Variants in XPA observed in about 807,000 individuals in gnomAD.
The protein encoded by XPA is DNA repair protein complementing XP-A cells.
XPA carries 27 observed loss-of-function variants against 35.7 expected under a neutral mutation model. The ratio of observed to expected loss-of-function variants is 0.76; its 90% confidence interval spans 0.56 to 1.04. XPA has a LOEUF of 1.04. XPA is among the 50% of genes least tolerant of loss of function. The pLI is 0.00. For missense variants in XPA, 354 were observed against 342.7 expected, an observed-to-expected ratio of 1.03 and a Z score of -0.26; for synonymous variants, 133 against 118.4, an observed-to-expected ratio of 1.12 and a Z score of -0.80.
At chr9:97,668,408 AATT>A in the XPA span, among the ~76,000 whole-genome samples, 2 of 152,248 alleles carry the variant, frequency 1.3e-5, no homozygotes, top group African/African-American at 2.4e-5. Context: ...GCCCACTTTG[AATT>A]ATTATATGTC....
intron 2 of XPA, among the ~76,000 whole-genome samples, chr9:97,691,202 A>G (rs1828877568): frequency 6.6e-6 from 1 of 152,244 alleles, no homozygotes; most frequent in Non-Finnish European, 1.5e-5. Context: ...TCTATCCCCT[A>G]CCAACAAAGC....
the XPA span, among the ~76,000 whole-genome samples, chr9:97,664,144 A>G: frequency 6.6e-6 from 1 of 151,810 alleles, no homozygotes; most frequent in African/African-American, 2.4e-5. Flanking sequence ...GTGCCACTCC[A>G]CTCCCGCCTA....
At chr9:97,691,942 G>C (rs1008286268) in intron 2 of XPA, among the ~76,000 whole-genome samples, 1 of 147,810 alleles carries the variant, frequency 6.8e-6, no homozygotes, top group Non-Finnish European at 1.5e-5. Flanking sequence ...TTACTAAGAA[G>C]TCTTTAGGCT....
chr9:97,690,534 C>T lies in XPA; in HGVS notation c.284-895G>A, dbSNP rs540506256. 4.6e-5 allele frequency among the ~76,000 whole-genome samples: 7 copies of T among 152,124 alleles called. No homozygotes were observed. In the East Asian group the frequency reaches 9.8e-4, roughly 21 times the overall value. On this transcript the variant is annotated intron_variant, in intron 2 of 5. Transcript: ENST00000375128. The stretch of plus-strand genomic sequence containing the variant: ...TCCCAAGTAGCTGGGATTACAGGCA[C>T]GCACCACCATGCCCAGTTAATTCTT...
At chr9:97,684,900 C>A (rs535615101) in intron 5 of XPA, 23 bp downstream of exon 5, 2 of 1,574,878 alleles carry the variant, frequency 1.3e-6, no homozygotes, top group African/African-American at 2.7e-5. Flanking sequence ...CAATCCTTCA[C>A]GATATAAAAT....
chr9:97,672,821 C>G (rs1265425910), downstream of XPA: 1 of 156,420 alleles, frequency 6.4e-6, no homozygotes, highest in East Asian at 1.8e-4. Context: ...TTTCTTTTCT[C>G]TAGCTTCATA....
At chr9:97,674,822 C>T, downstream of XPA, 1 of 391,608 alleles carries the variant, frequency 2.6e-6, no homozygotes, top group South Asian at 2.1e-5. Context: ...GAAAACAGCT[C>T]TTTTCCATTT....
the XPA span, chr9:97,660,923 C>T: frequency 7.3e-5 from 116 of 1,598,426 alleles, no homozygotes; most frequent in Non-Finnish European, 9.3e-5. Flanking sequence ...TGTCATTCCC[C>T]TTACCCCCAA....
At chr9:97,663,610 G>A in the XPA span, among the ~76,000 whole-genome samples, 4 of 151,608 alleles carry the variant, frequency 2.6e-5, no homozygotes, top group Non-Finnish European at 4.4e-5. Flanking sequence ...TCAGCCTCCC[G>A]AGTAGCTGGG....
At chr9:97,680,262 G>A (rs1043607613) in intron 5 of XPA, among the ~76,000 whole-genome samples, 3 of 152,136 alleles carry the variant, frequency 2.0e-5, no homozygotes, top group Non-Finnish European at 4.4e-5. Flanking sequence ...AGGCTGGAGT[G>A]CAATGGGGGG....
chr9:97,657,037 C>T, the XPA span, among the ~76,000 whole-genome samples: 21 of 152,278 alleles, frequency 1.4e-4, no homozygotes, highest in African/African-American at 4.3e-4. Context: ...GGCACGATCT[C>T]GGCTCACTGC....
At chr9:97,684,859 A>T in intron 5 of XPA, 64 bp downstream of exon 5, 1 of 1,326,438 alleles carries the variant, frequency 7.5e-7, no homozygotes, top group Non-Finnish European at 1.1e-6. Context: ...GGAAGAATCT[A>T]GCTAAAGGCT....
chr9:97,697,064 G>T, intron 1 of XPA, 57 bp downstream of exon 1: 2 of 1,495,864 alleles, frequency 1.3e-6, no homozygotes, highest in South Asian at 1.3e-5. Context: ...GCACGAGCCA[G>T]TCTGGGGACC....
chr9:97,697,233 C>A lies in XPA; in HGVS notation c.60G>T (p.Leu20=). 1 of 1,601,040 alleles carries A rather than the reference C, an allele frequency of 6.2e-7. No individual in the cohort carries two copies. The highest frequency in any genetic ancestry group is 8.5e-7 in the Non-Finnish European group (1 of 1,179,096). The change falls in exon 1 of 6, where the codon CTG becomes CTT. Residue 20 remains leucine, a synonymous_variant. Transcript: ENST00000375128. ...EAAALEQPAE[L]PASVRASIER... ...CGATACTCGCCCGCACCGAGGCAGG[C>A]AGCTCCGCGGGTTGCTCTAAAGCCG... is the stretch of plus-strand genomic sequence containing the variant.
Position 97,697,335 on chromosome 9 carries a change from C to T in XPA, c.-43G>A, listed in dbSNP as rs886063217. 5.0e-6 allele frequency: 8 copies of T among 1,594,912 alleles called. No individual in the cohort carries two copies. The East Asian group carries it at 1.1e-4, about 22-fold the overall frequency. ...GACCTAGCTCCCAGCTCCACGCACG[C>T]GCACTGCACGCCGAGGCGAGCCAGC... On this transcript the variant is annotated 5_prime_UTR_variant, in exon 1 of 6. Coordinates refer to ENST00000375128, the MANE Select transcript of XPA (RefSeq NM_000380.4).
chr9:97,663,969 A>G, the XPA span, among the ~76,000 whole-genome samples: 1 of 151,758 alleles, frequency 6.6e-6, no homozygotes, highest in African/African-American at 2.4e-5. Context: ...ACTTGAAGCC[A>G]GGAGTTCGAG....
At chr9:97,695,755 A>G (rs1392440975) in intron 1 of XPA, among the ~76,000 whole-genome samples, 1 of 152,256 alleles carries the variant, frequency 6.6e-6, no homozygotes, top group East Asian at 1.9e-4. Flanking sequence ...ACCATGAAAT[A>G]AAAGTGTCAC....
chr9:97,684,816 A>T, intron 5 of XPA, 107 bp downstream of exon 5: 1 of 1,046,726 alleles, frequency 9.6e-7, no homozygotes, highest in East Asian at 2.4e-5. Context: ...AACCTCTAAA[A>T]AACACATTCC....
chr9:97,675,183 C>G lies in XPA; in HGVS notation c.*256G>C, dbSNP rs886063215. 8.6e-5 allele frequency: 52 copies of G among 607,914 alleles called. No homozygotes were observed. The East Asian group carries it at 9.7e-4, about 11-fold the overall frequency. The allele number at this position is 607,914 out of a possible 1,614,324, so 37.7% of individuals were successfully genotyped here. On this transcript the variant is annotated 3_prime_UTR_variant, in exon 6 of 6. Coordinates refer to ENST00000375128, the MANE Select transcript of XPA (RefSeq NM_000380.4). ...CTGACCTACCACTTCTGCACCTACT[C>G]TAGCACTCAGCTCCCATCTCTGTTG... is the stretch of plus-strand genomic sequence containing the variant.
Sources: gnomAD v4.1 joint callset for allele counts (sites outside exome capture counted in the v4.1 genomes callset) on GRCh38, gnomAD v4.1.1 for gene constraint, MANE v1.5 for transcripts, NCBI Gene and HGNC (gene_info 2026-07-23, HGNC 2026-07-21) for gene names.